Variants in HAT1 observed in about 807,000 individuals in gnomAD.
HAT1 encodes the protein histone acetyltransferase type B catalytic subunit.
Under a neutral mutation model 56.6 loss-of-function variants are expected in HAT1, and 20 were observed. The observed-to-expected ratio is 0.35, with a 90% CI of 0.25 to 0.51. The LOEUF is 0.51. HAT1 is among the 20% of genes least tolerant of loss of function. The pLI, the probability that HAT1 is intolerant of heterozygous loss-of-function variation, is 0.95. For synonymous variants in HAT1, 146 were observed against 165.5 expected, an observed-to-expected ratio of 0.88 and a Z score of 0.91; for missense variants, 408 against 504.3, an observed-to-expected ratio of 0.81 and a Z score of 1.83.
At chr2:171,932,661 A>G (rs966093727) in intron 2 of HAT1, among the ~76,000 whole-genome samples, 2 of 152,186 alleles carry the variant, frequency 1.3e-5, no homozygotes, top group Non-Finnish European at 2.9e-5. Flanking sequence ...TGAGCCCAAG[A>G]GTTCAAGGCC....
chr2:171,971,002 C>T (rs1036826478), intron 8 of HAT1, among the ~76,000 whole-genome samples: 3 of 151,672 alleles, frequency 2.0e-5, no homozygotes, highest in African/African-American at 4.8e-5. Context: ...AGATCGAGAC[C>T]GTCTTGGCTA....
At chr2:171,952,788 C>A in intron 3 of HAT1, 93 bp from the exon 4 acceptor site, 2 of 637,826 alleles carry the variant, frequency 3.1e-6, no homozygotes, top group South Asian at 3.5e-5. Context: ...AATCTTGAAA[C>A]TACCCATGAA....
chr2:171,965,201 A>G (rs1379603488), intron 4 of HAT1, 137 bp from the exon 5 acceptor site: 10 of 593,044 alleles, frequency 1.7e-5, no homozygotes, highest in East Asian at 5.7e-5. Flanking sequence ...TCCTTTTCCA[A>G]TTCGCTGTGT....
chr2:171,959,739 G>T (rs1687531418), intron 4 of HAT1, among the ~76,000 whole-genome samples: 1 of 152,128 alleles, frequency 6.6e-6, no homozygotes, highest in Non-Finnish European at 1.5e-5. Context: ...CGATACAGTG[G>T]CAGACAAAGT....
At chr2:171,954,984 A>G (rs1361806010) in intron 4 of HAT1, among the ~76,000 whole-genome samples, 1 of 152,204 alleles carries the variant, frequency 6.6e-6, no homozygotes, top group Non-Finnish European at 1.5e-5. Context: ...CTTACTCACT[A>G]GAAGCTGGAA....
intron 9 of HAT1, among the ~76,000 whole-genome samples, chr2:171,976,788 A>G (rs956730656): frequency 6.6e-6 from 1 of 152,250 alleles, no homozygotes; most frequent in Non-Finnish European, 1.5e-5. Context: ...AAAGTTTATT[A>G]CATTTATGTA....
rs779691419 is a variant in HAT1 at position 171,946,685 on chromosome 2, T to C, written c.113-23T>C. ...TATCTTTAGTTATCTTTAATATCTCTATTTTTTTGTCCCTTGAAACAGTTC... is the reference window on the plus strand; with the variant it reads ...TATCTTTAGTTATCTTTAATATCTCCATTTTTTTGTCCCTTGAAACAGTTC... On this transcript the variant is annotated intron_variant, in intron 2 of 10. Transcript: ENST00000264108. 4.3e-6 allele frequency: 6 copies of C among 1,392,972 alleles called. No individual in the cohort carries two copies. The South Asian group carries it at 7.3e-5, about 17-fold the overall frequency. The allele number at this position is 1,392,972 out of a possible 1,614,324, so 86.3% of individuals were successfully genotyped here. A position where few individuals can be genotyped will look rare whatever the true frequency, so the allele number is the denominator to read the frequency against.
chr2:171,965,617 T>A (rs1687666201), intron 5 of HAT1, 100 bp downstream of exon 5: 1 of 994,362 alleles, frequency 1.0e-6, no homozygotes, highest in Non-Finnish European at 1.5e-6. Context: ...AGTAAACAAG[T>A]TTTAATCAGC....
At position 171,958,514 on chromosome 2, in the gene HAT1, C is replaced by G. The variant is rs142135608; in HGVS notation, c.309+5513C>G. On this transcript the variant is annotated intron_variant, in intron 4 of 10. Transcript: ENST00000264108. Reference sequence around the variant, plus strand: ...TAGTGCCCAGACTGGCCTCAAACTCCTGGCCTCAAGCAATCTTCCCACCTT... The same window carrying G: ...TAGTGCCCAGACTGGCCTCAAACTCGTGGCCTCAAGCAATCTTCCCACCTT... Among the ~76,000 whole-genome samples, 98 of 152,012 alleles carry G rather than the reference C, an allele frequency of 6.4e-4. 1 individual carries two copies. Among genetic ancestry groups the G allele is most frequent in the African/African-American group, 2.1e-3 (87 of 41,412 alleles).
chr2:171,970,305 C>T (rs1687781404), intron 8 of HAT1, among the ~76,000 whole-genome samples: 1 of 151,430 alleles, frequency 6.6e-6, no homozygotes, highest in Admixed American at 6.6e-5. Context: ...CTTGTAGTCC[C>T]AGCTACTCGG....
chr2:171,932,280 T>C (rs552692113), intron 2 of HAT1, among the ~76,000 whole-genome samples: 1 of 152,322 alleles, frequency 6.6e-6, no homozygotes, highest in East Asian at 1.9e-4. Context: ...CAAGGTTTCC[T>C]GGCCTCATAA....
At chr2:171,938,024 TTCTCTCTCTCTCTCTCTC>T (rs374402453) in intron 2 of HAT1, among the ~76,000 whole-genome samples, 1,764 of 104,844 alleles carry the variant, frequency 0.017, 23 homozygotes, top group South Asian at 0.027. Context: ...TGTCTACTGA[TTCTCTCTCTCTCTCTCTC>T]TCTCTCTCTC....
intron 2 of HAT1, among the ~76,000 whole-genome samples, chr2:171,944,808 C>T (rs1303729265): frequency 6.6e-6 from 1 of 152,154 alleles, no homozygotes; most frequent in African/African-American, 2.4e-5. Flanking sequence ...GCTGGTGATA[C>T]TTTGGCATGC....
chr2:171,982,682 A>G (rs1411263600), intron 10 of HAT1, among the ~76,000 whole-genome samples: 1 of 152,244 alleles, frequency 6.6e-6, no homozygotes, highest in African/African-American at 2.4e-5. Context: ...TTTTTAAAGT[A>G]TAGCAGTTTT....
At chr2:171,922,803 G>A (rs576153777) in intron 1 of HAT1, 6 of 374,168 alleles carry the variant, frequency 1.6e-5, no homozygotes, top group Non-Finnish European at 2.8e-5. Flanking sequence ...AATGCCACAT[G>A]CCTTGGGGCC....
chr2:171,938,037 T>TCTCTCTCTCTCTCC (rs1686916957), intron 2 of HAT1, among the ~76,000 whole-genome samples: 1 of 95,204 alleles, frequency 1.1e-5, no homozygotes, highest in South Asian at 3.7e-4. Flanking sequence ...TCTCTCTCTC[T>TCTCTCTCTCTCTCC]CTCTCTCTCT....
intron 4 of HAT1, among the ~76,000 whole-genome samples, chr2:171,963,186 C>A (rs2105333411): frequency 6.7e-6 from 1 of 149,978 alleles, no homozygotes; most frequent in Non-Finnish European, 1.5e-5. Context: ...GTAAGTATAT[C>A]AGATACATAT....
intron 4 of HAT1, among the ~76,000 whole-genome samples, chr2:171,960,859 A>G (rs894832259): frequency 2.0e-5 from 3 of 151,800 alleles, no homozygotes; most frequent in Non-Finnish European, 2.9e-5. Context: ...AAAAAAAAAA[A>G]TGCTGAACGT....
chr2:171,970,585 T>C (rs1178977600), intron 8 of HAT1, among the ~76,000 whole-genome samples: 1 of 127,330 alleles, frequency 7.9e-6, no homozygotes, highest in African/African-American at 2.9e-5. Flanking sequence ...AGTGGTGCGA[T>C]CTTGGTTCAC....
Sources: gnomAD v4.1 joint callset for allele counts (sites outside exome capture counted in the v4.1 genomes callset) on GRCh38, gnomAD v4.1.1 for gene constraint, MANE v1.5 for transcripts, NCBI Gene and HGNC (gene_info 2026-07-23, HGNC 2026-07-21) for gene names.